Variants in MMUT observed in about 807,000 individuals in gnomAD.
MMUT encodes the protein methylmalonyl-CoA mutase, mitochondrial.
MMUT carries 79 observed loss-of-function variants against 79.9 expected under a neutral mutation model. That is an observed-to-expected ratio of 0.99 (90% CI 0.82 to 1.19). MMUT has a LOEUF of 1.19. MMUT is among the 50% of genes most tolerant of loss of function. The pLI, the probability that MMUT is intolerant of heterozygous loss-of-function variation, is 0.00. For missense variants in MMUT, 860 were observed against 917.2 expected, an observed-to-expected ratio of 0.94 and a Z score of 0.81; for synonymous variants, 273 against 295.7, an observed-to-expected ratio of 0.92 and a Z score of 0.79.
chr6:49,459,219 T>C lies in MMUT; in HGVS notation c.248A>G (p.Glu83Gly). ...GAATGGCTTCACTCCTGGAAGTTCT[T>C]CAGGTAAGTCCATAGTATCTCTCTT... Reference protein sequence around the residue: ...YSKRDTMDLPEELPGVKPFTR... With the variant: ...YSKRDTMDLPGELPGVKPFTR... Residue 83 changes from glutamate (E) to glycine (G), a missense_variant, in exon 2 of 13, where the codon GAA (glutamate) becomes GGA (glycine). Physicochemically the swap from Glu to Gly is moderately conservative, Grantham distance 98. Transcript: ENST00000274813. 1 of 1,614,198 alleles carries C rather than the reference T, an allele frequency of 6.2e-7. No homozygotes were observed. The highest frequency in any genetic ancestry group is 8.5e-7 in the Non-Finnish European group (1 of 1,180,026).
intron 10 of MMUT, among the ~76,000 whole-genome samples, chr6:49,440,623 T>G (rs1340824753): frequency 6.6e-6 from 1 of 152,176 alleles, no homozygotes; most frequent in Admixed American, 6.5e-5. Flanking sequence ...CCATTAGCTA[T>G]TCTTTGTGAT....
At chr6:49,462,046 C>T (rs1013677690) in intron 1 of MMUT, among the ~76,000 whole-genome samples, 1 of 152,030 alleles carries the variant, frequency 6.6e-6, no homozygotes, top group African/African-American at 2.4e-5. Flanking sequence ...AGGAAAGAGC[C>T]CCGTTTAAGT....
intron 9 of MMUT, among the ~76,000 whole-genome samples, chr6:49,442,469 T>G (rs1157679120): frequency 1.3e-5 from 2 of 152,110 alleles, no homozygotes; most frequent in Non-Finnish European, 2.9e-5. Flanking sequence ...GTACTTGTTC[T>G]TATAGACATT....
At chr6:49,433,392 A>C (rs1767037845) in intron 12 of MMUT, among the ~76,000 whole-genome samples, 1 of 152,206 alleles carries the variant, frequency 6.6e-6, no homozygotes. Context: ...TTCTTACATA[A>C]GCCTTGTAAA....
Position 49,453,693 on chromosome 6 carries a change from ACCAGCTCT to A in MMUT, c.967_974del (p.Arg323Ter), listed in dbSNP as rs763101787. On this transcript the variant is annotated frameshift_variant, in exon 5 of 13. Transcript: ENST00000274813. LOFTEE classifies it high-confidence loss of function. ...CTATTAAGTGAGCCCAGAGTCTTCTACCAGCTCTCATCTTTGCTATTTCCATATAGAAA... is the reference window on the plus strand; with the variant it reads ...CTATTAAGTGAGCCCAGAGTCTTCTACATCTTTGCTATTTCCATATAGAAA... 6.2e-7 allele frequency: 1 copy of A among 1,613,382 alleles called. No individual in the cohort carries two copies. The highest frequency in any genetic ancestry group is 8.5e-7 in the Non-Finnish European group (1 of 1,179,536).
rs1767767422 is a variant in MMUT at position 49,459,088 on chromosome 6, T to C, written c.379A>G (p.Ile127Val). 6.2e-7 allele frequency: 1 copy of C among 1,613,942 alleles called. No individual in the cohort carries two copies. The highest frequency in any genetic ancestry group is 8.5e-7 in the Non-Finnish European group (1 of 1,179,952). The change falls in exon 2 of 13, where the codon ATT becomes GTT. Residue 127 changes from isoleucine (I) to valine (V), a missense_variant. Ile to Val is a conservative substitution (Grantham distance 29, BLOSUM62 3). Coordinates refer to ENST00000274813, the MANE Select transcript of MMUT (RefSeq NM_000255.4). ...TCTTACATTAAAATCTCACCCTTAA[T>C]GTTGTCCTTATAGAACTTATTGCTT... ...EESNKFYKDNIKAGQQGLSVA... is the reference protein window; with the variant it reads ...EESNKFYKDNVKAGQQGLSVA...
At position 49,457,980 on chromosome 6, in the gene MMUT, C is replaced by T. The variant is rs778416004; in HGVS notation, c.464G>A (p.Gly155Asp). The part of the protein sequence containing the change: ...GYDSDNPRVR[G>D]DVGMAGVAID... ...AGCAACTCCAGCCATTCCAACATCACCACGAACTCGAGGGTTGTCTGAATC... is the reference window on the plus strand; with the variant it reads ...AGCAACTCCAGCCATTCCAACATCATCACGAACTCGAGGGTTGTCTGAATC... Residue 155 changes from glycine to aspartate, a missense_variant, in exon 3 of 13, where the codon GGT (glycine) becomes GAT (aspartate). By Grantham distance (94) the Gly-to-Asp change is moderately conservative (BLOSUM62 -1). Coordinates refer to ENST00000274813, the MANE Select transcript of MMUT (RefSeq NM_000255.4). 8.1e-6 allele frequency: 13 copies of T among 1,608,452 alleles called. No homozygotes were observed. Among genetic ancestry groups the T allele is most frequent in the Middle Eastern group, 1.7e-4 (1 of 6,060 alleles).
At chr6:49,443,484 G>A (rs1767331334) in intron 9 of MMUT, among the ~76,000 whole-genome samples, 1 of 151,972 alleles carries the variant, frequency 6.6e-6, no homozygotes, top group South Asian at 2.1e-4. Flanking sequence ...TATTAATATT[G>A]TAGTAACAAA....
chr6:49,445,649 A>G (rs1310387402), intron 8 of MMUT, among the ~76,000 whole-genome samples: 1 of 152,098 alleles, frequency 6.6e-6, no homozygotes, highest in Admixed American at 6.6e-5. Context: ...TCCTAATACA[A>G]TGTAAATACT....
chr6:49,455,080 A>T (rs772708693), intron 4 of MMUT, among the ~76,000 whole-genome samples: 3 of 152,046 alleles, frequency 2.0e-5, no homozygotes, highest in Non-Finnish European at 4.4e-5. Context: ...TAAACCCACA[A>T]CATGTTAACA....
rs2127411791 is a variant in MMUT, at chr6:49,431,046, A to T, written c.*682T>A. On this transcript the variant is annotated 3_prime_UTR_variant, in exon 13 of 13. Transcript: ENST00000274813. ...CAACCTAAGCACTTTTATTTAAAGGAATGTTCATCAACATCCACTCTCCTT... is the reference window on the plus strand; with the variant it reads ...CAACCTAAGCACTTTTATTTAAAGGTATGTTCATCAACATCCACTCTCCTT... 1 of 152,348 alleles carries T rather than the reference A, an allele frequency of 6.6e-6. No homozygotes were observed. The highest frequency in any genetic ancestry group is 2.1e-4 in the South Asian group (1 of 4,826). The allele number at this position is 152,348 out of a possible 1,614,324, so 9.4% of individuals were successfully genotyped here.
At chr6:49,433,040 T>C (rs562838037) in intron 12 of MMUT, among the ~76,000 whole-genome samples, 2 of 152,174 alleles carry the variant, frequency 1.3e-5, no homozygotes, top group Admixed American at 1.3e-4. Context: ...ACACATCTCA[T>C]TGAACTTGTC....
rs748410300 is a variant in MMUT, at chr6:49,456,064, G to T, written c.911+16C>A. 6.2e-7 allele frequency: 1 copy of T among 1,601,084 alleles called. No homozygotes were observed. The highest frequency in any genetic ancestry group is 2.2e-5 in the East Asian group (1 of 44,778). On this transcript the variant is annotated intron_variant, in intron 4 of 12. Transcript: ENST00000274813. ...TTTCTTAATGTTGAAACAATATCTA[G>T]GTTTAATTTACTCACCTTGGTGCAA...
At chr6:49,460,048 G>C (rs1767801317) in intron 1 of MMUT, among the ~76,000 whole-genome samples, 1 of 152,104 alleles carries the variant, frequency 6.6e-6, no homozygotes, top group Non-Finnish European at 1.5e-5. Flanking sequence ...TATGCATTTT[G>C]TGCACTAGAA....
At chr6:49,458,891 T>G (rs1367380390) in intron 2 of MMUT, among the ~76,000 whole-genome samples, 191 bp downstream of exon 2, 1 of 152,176 alleles carries the variant, frequency 6.6e-6, no homozygotes, top group Admixed American at 6.5e-5. Flanking sequence ...TTTCAAAAAT[T>G]TAGCACCTTA....
chr6:49,431,685 C>T lies in MMUT; in HGVS notation c.*43G>A, dbSNP rs868855862. The stretch of plus-strand genomic sequence containing the variant: ...GCTTTACTCTCTTCTTTGATCATAA[C>T]TAAAATAATATTTTAGACAAAAGCT... On this transcript the variant is annotated 3_prime_UTR_variant, in exon 13 of 13. Coordinates refer to ENST00000274813, the MANE Select transcript of MMUT (RefSeq NM_000255.4). 16 of 1,584,962 alleles carry T rather than the reference C, an allele frequency of 1.0e-5. No individual in the cohort carries two copies. The highest frequency in any genetic ancestry group is 1.4e-5 in the Non-Finnish European group (16 of 1,155,314).
chr6:49,459,973 C>G (rs1178865588), intron 1 of MMUT, among the ~76,000 whole-genome samples: 1 of 152,186 alleles, frequency 6.6e-6, no homozygotes, highest in Admixed American at 6.5e-5. Context: ...GACAAACAGG[C>G]ATTCAAGGCC....
At chr6:49,443,120 G>T (rs904580432) in intron 9 of MMUT, among the ~76,000 whole-genome samples, 1 of 151,790 alleles carries the variant, frequency 6.6e-6, no homozygotes, top group African/African-American at 2.4e-5. Flanking sequence ...ATTTTCCATG[G>T]GTCACTTGCT....
intron 7 of MMUT, 44 bp from the exon 8 acceptor site, chr6:49,447,829 T>C (rs1767449309): frequency 9.7e-7 from 1 of 1,026,826 alleles, no homozygotes; most frequent in Non-Finnish European, 1.5e-6. Context: ...AATAATTACC[T>C]AATTGTAATG....
Sources: gnomAD v4.1 joint callset for allele counts (sites outside exome capture counted in the v4.1 genomes callset) on GRCh38, gnomAD v4.1.1 for gene constraint, MANE v1.5 for transcripts, NCBI Gene and HGNC (gene_info 2026-07-23, HGNC 2026-07-21) for gene names.